ASB11: variants seen among roughly 807,000 people sequenced by gnomAD.
ASB11 encodes ankyrin repeat and SOCS box containing 11, also known as ankyrin repeat and SOCS box protein 11.
In ASB11, 17 loss-of-function variants were observed where a neutral mutation model predicts 20.1. The ratio of observed to expected loss-of-function variants is 0.85; its 90% CI spans 0.58 to 1.27. ASB11 has a LOEUF of 1.27. Among genes scored for constraint, ASB11 ranks in the 50% most tolerant of loss-of-function variants. The pLI is 0.00. For missense variants in ASB11, 259 were observed against 256.9 expected, an observed-to-expected ratio of 1.01 and a Z score of -0.06; for synonymous variants, 107 against 105.6, an observed-to-expected ratio of 1.01 and a Z score of -0.08.
chrX:15,289,019 C>T (rs903277896), intron 5 of ASB11, among the ~76,000 whole-genome samples: 9 of 112,144 alleles, frequency 8.0e-5, no homozygotes, highest in African/African-American at 2.6e-4. Flanking sequence ...CTGTTTTTAC[C>T]GTCCAGCATC....
In ASB11 at chrX:15,315,483, G is replaced by C; in HGVS notation, c.123C>G (p.Val41=). ...TAGCCGCTTCTTTTCTATTTCCTTT[G>C]ACGATATAGAAATGGGTTAGGAGAG... is the stretch of plus-strand genomic sequence containing the variant. ...FLALLTHFYI[V]KGNRKEAARI... is the part of the protein sequence containing the mutation. Residue 41 remains valine (V), a synonymous_variant, in exon 1 of 7, where the codon GTC becomes GTG. Coordinates refer to ENST00000480796, the MANE Select transcript of ASB11 (RefSeq NM_080873.3). 8.6e-7 allele frequency: 1 copy of C among 1,168,130 alleles called. No individual in the cohort carries two copies. Among genetic ancestry groups the C allele is most frequent in the Non-Finnish European group, 1.1e-6 (1 of 877,079 alleles).
chrX:15,293,102 G>A, intron 4 of ASB11, 68 bp downstream of exon 4: 1 of 1,140,964 alleles, frequency 8.8e-7, no homozygotes, highest in Non-Finnish European at 1.2e-6. Context: ...ACTAACACTA[G>A]ACCATTGATT....
In ASB11 at chrX:15,289,355, C is replaced by T. The variant is rs759899272; in HGVS notation, c.655+149G>A. 2.7e-5 allele frequency: 15 copies of T among 557,003 alleles called. No individual in the cohort carries two copies. In the African/African-American group the frequency reaches 3.3e-4, roughly 12 times the overall value. The allele number at this position is 557,003 out of a possible 1,213,427, so 45.9% of individuals were successfully genotyped here. On this transcript the variant is annotated intron_variant, in intron 5 of 6. Transcript: ENST00000480796. ...GAAGCAGGACTGAGAAATACAGACA[C>T]TCATTTCTCTAGAGAAGTTTTGTTT...
In ASB11 at chrX:15,313,699, T is replaced by A; in HGVS notation, c.181+1726A>T. 1.8e-5 allele frequency among the ~76,000 whole-genome samples: 2 copies of A among 111,914 alleles called. 1 individual carries two copies. Among genetic ancestry groups the A allele is most frequent in the South Asian group, 7.4e-4 (2 of 2,717 alleles). The stretch of plus-strand genomic sequence containing the variant: ...AGAGATTTGTATTCCAGCTCCAGAT[T>A]AAATTCAAACCATGCTTACATGGGT... On this transcript the variant is annotated intron_variant, in intron 1 of 6. Transcript: ENST00000480796.
intron 1 of ASB11, among the ~76,000 whole-genome samples, chrX:15,313,382 G>A (rs1309446895): frequency 1.8e-5 from 2 of 110,150 alleles, no homozygotes; most frequent in African/African-American, 6.6e-5. Context: ...CTGGGTGACA[G>A]AGCAAGAATC....
At chrX:15,296,465 T>C (rs1920965925) in intron 3 of ASB11, among the ~76,000 whole-genome samples, 1 of 111,767 alleles carries the variant, frequency 8.9e-6, no homozygotes, top group Non-Finnish European at 1.9e-5. Context: ...AACAACAAAA[T>C]TAGAAACAAA....
chrX:15,283,761 G>A, intron 6 of ASB11, 132 bp from the exon 7 acceptor site: 1 of 729,713 alleles, frequency 1.4e-6, no homozygotes, highest in Non-Finnish European at 2.0e-6. Flanking sequence ...AGGAACTATA[G>A]AATGAGGTAG....
intron 4 of ASB11, chrX:15,292,121 G>C (rs1311794605): frequency 9.0e-6 from 1 of 110,846 alleles, no homozygotes; most frequent in Non-Finnish European, 1.9e-5. Flanking sequence ...CATGATGTTT[G>C]GGAAATGACT....
intron 6 of ASB11, 51 bp downstream of exon 6, chrX:15,287,830 G>A: frequency 8.9e-7 from 1 of 1,124,852 alleles, no homozygotes; most frequent in Non-Finnish European, 1.2e-6. Context: ...GAGACAGGAA[G>A]GGGAGAGAAT....
chrX:15,284,328 A>G (rs1446399115), intron 6 of ASB11, among the ~76,000 whole-genome samples: 1 of 110,611 alleles, frequency 9.0e-6, no homozygotes, highest in Non-Finnish European at 1.9e-5. Context: ...GGAAGGACTG[A>G]ACACGCAGGA....
At chrX:15,315,291 TTAAG>T (rs1246141452) in intron 1 of ASB11, 130 bp downstream of exon 1, 32 of 532,175 alleles carry the variant, frequency 6.0e-5, no homozygotes, top group Admixed American at 1.6e-4. Flanking sequence ...ATTTGCTACT[TTAAG>T]TGACAATTTT....
intron 1 of ASB11, among the ~76,000 whole-genome samples, chrX:15,303,571 C>T (rs1450400074): frequency 9.0e-6 from 1 of 111,138 alleles, no homozygotes; most frequent in Non-Finnish European, 1.9e-5. Context: ...ATTTAATCTC[C>T]CAAAAGTTTT....
intron 1 of ASB11, among the ~76,000 whole-genome samples, chrX:15,308,613 G>C (rs752140366): frequency 2.7e-5 from 3 of 111,823 alleles, no homozygotes; most frequent in Non-Finnish European, 5.6e-5. Context: ...TTTGCTGAAT[G>C]GTAACACCCC....
At chrX:15,289,376 TG>T in intron 5 of ASB11, 127 bp downstream of exon 5, 2 of 736,657 alleles carry the variant, frequency 2.7e-6, no homozygotes, top group African/African-American at 2.1e-5. Context: ...AGAGAAGTTT[TG>T]TTTTTAGCAT....
At chrX:15,297,416 G>A (rs1483742576) in intron 3 of ASB11, among the ~76,000 whole-genome samples, 158 bp downstream of exon 3, 2 of 112,004 alleles carry the variant, frequency 1.8e-5, no homozygotes, top group Non-Finnish European at 3.8e-5. Flanking sequence ...GGGGTAAGTT[G>A]AAGAGAGAGG....
At chrX:15,284,265 A>C (rs965728846) in intron 6 of ASB11, among the ~76,000 whole-genome samples, 2 of 107,995 alleles carry the variant, frequency 1.9e-5, no homozygotes, top group South Asian at 4.0e-4. Context: ...AAAAAAAAAA[A>C]AAAAAGAAAG....
chrX:15,310,420 T>C (rs1404356261), intron 1 of ASB11, among the ~76,000 whole-genome samples: 2 of 112,272 alleles, frequency 1.8e-5, no homozygotes, highest in Admixed American at 1.9e-4. Context: ...TCTACAAATA[T>C]GTTTGCTTAT....
At chrX:15,307,324 G>A (rs1252700824) in intron 1 of ASB11, among the ~76,000 whole-genome samples, 1 of 112,233 alleles carries the variant, frequency 8.9e-6, no homozygotes, top group Non-Finnish European at 1.9e-5. Context: ...TAAAGCAGCA[G>A]TCCCCAACCT....
chrX:15,291,069 T>G (rs1190115101), intron 4 of ASB11, among the ~76,000 whole-genome samples: 1 of 111,853 alleles, frequency 8.9e-6, no homozygotes, highest in African/African-American at 3.2e-5. Context: ...TGAGTTAAAT[T>G]TAAATATTCT....
Sources: gnomAD v4.1 joint callset for allele counts (sites outside exome capture counted in the v4.1 genomes callset) on GRCh38, gnomAD v4.1.1 for gene constraint, MANE v1.5 for transcripts, NCBI Gene and HGNC (gene_info 2026-07-23, HGNC 2026-07-21) for gene names.